CSMD1: variants seen among roughly 807,000 people sequenced by gnomAD.
The protein encoded by CSMD1 is CUB and sushi domain-containing protein 1.
Under a neutral mutation model 417.5 loss-of-function variants are expected in CSMD1, and 213 were observed. That is an observed-to-expected ratio of 0.51 (90% confidence interval 0.46 to 0.57). The LOEUF (loss-of-function observed/expected upper bound fraction) is 0.57. CSMD1 is among the 20% of genes least tolerant of loss of function. The pLI is 0.00. For synonymous variants in CSMD1, 2,862 were observed against 1,736.8 expected, an observed-to-expected ratio of 1.65 and a Z score of -16.11; for missense variants, 6,923 against 4,529.7, an observed-to-expected ratio of 1.53 and a Z score of -15.17.
intron 5 of CSMD1, among the ~76,000 whole-genome samples, chr8:3,790,106 T>C (rs958829615): frequency 2.0e-5 from 3 of 152,212 alleles, no homozygotes; most frequent in Non-Finnish European, 4.4e-5. Flanking sequence ...AATGAAAGTG[T>C]TAGCTGCTTA....
At chr8:3,497,904 T>A (rs1379534204) in intron 10 of CSMD1, among the ~76,000 whole-genome samples, 8 of 152,248 alleles carry the variant, frequency 5.3e-5, no homozygotes, top group Admixed American at 3.9e-4. Context: ...ATTACTCTTT[T>A]GTGTGTCTTC....
intron 5 of CSMD1, among the ~76,000 whole-genome samples, chr8:3,991,419 G>C (rs979432732): frequency 1.3e-5 from 2 of 152,090 alleles, no homozygotes; most frequent in Non-Finnish European, 2.9e-5. Flanking sequence ...ATCTTTATGC[G>C]ACAGCTTCAT....
At chr8:3,155,124 G>C (rs998367945) in intron 39 of CSMD1, among the ~76,000 whole-genome samples, 4 of 151,848 alleles carry the variant, frequency 2.6e-5, no homozygotes, top group African/African-American at 9.7e-5. Flanking sequence ...TTAATTCTTT[G>C]AATAAAACAT....
At chr8:4,150,763 A>G (rs1378238678) in intron 3 of CSMD1, among the ~76,000 whole-genome samples, 1 of 152,232 alleles carries the variant, frequency 6.6e-6, no homozygotes, top group African/African-American at 2.4e-5. Flanking sequence ...AACCTGCTTT[A>G]TCTAAAAAGA....
intron 46 of CSMD1, among the ~76,000 whole-genome samples, chr8:3,098,891 T>G (rs1329631514): frequency 6.6e-6 from 1 of 151,768 alleles, no homozygotes; most frequent in African/African-American, 2.4e-5. Flanking sequence ...ATACACAATT[T>G]TTTTTTTTTT....
chr8:4,359,556 G>A (rs145577595), intron 3 of CSMD1, among the ~76,000 whole-genome samples: 1 of 152,166 alleles, frequency 6.6e-6, no homozygotes, highest in Non-Finnish European at 1.5e-5. Flanking sequence ...TTGCGCAGAA[G>A]AGCCCTGTGT....
chr8:3,263,589 A>G (rs1393126746), intron 26 of CSMD1, among the ~76,000 whole-genome samples: 1 of 152,206 alleles, frequency 6.6e-6, no homozygotes, highest in African/African-American at 2.4e-5. Flanking sequence ...TTACAAATAA[A>G]TGTTTTAATA....
rs577634289 is a variant in CSMD1, at chr8:3,317,956, G to A, written c.3632-9453C>T. 2.0e-5 allele frequency among the ~76,000 whole-genome samples: 3 copies of A among 152,256 alleles called. No individual in the cohort carries two copies. The East Asian group carries it at 5.8e-4, about 30-fold the overall frequency. On this transcript the variant is annotated intron_variant, in intron 23 of 69. Transcript: ENST00000635120. ...CTATTGAGTAGCTGGGACCACAGAT[G>A]TGGGCCACCATGCCCAGCTAATATT...
intron 6 of CSMD1, among the ~76,000 whole-genome samples, chr8:3,742,492 A>G (rs1259737765): frequency 1.3e-5 from 2 of 152,314 alleles, no homozygotes; most frequent in East Asian, 3.9e-4. Flanking sequence ...ACATTTTTAA[A>G]AACATTTCTG....
intron 3 of CSMD1, among the ~76,000 whole-genome samples, chr8:4,181,290 G>GT (rs1271311451): frequency 6.6e-6 from 1 of 152,048 alleles, no homozygotes. Flanking sequence ...GATATTTATT[G>GT]TAAAACAATA....
chr8:4,495,935 A>G (rs1457289196), intron 2 of CSMD1, among the ~76,000 whole-genome samples: 2 of 152,162 alleles, frequency 1.3e-5, no homozygotes, highest in East Asian at 3.9e-4. Flanking sequence ...CTATATGGCA[A>G]ATGACAAGAA....
At chr8:4,418,247 T>A (rs929245522) in intron 3 of CSMD1, among the ~76,000 whole-genome samples, 16 of 152,072 alleles carry the variant, frequency 1.1e-4, no homozygotes, top group African/African-American at 3.9e-4. Flanking sequence ...AAAAAATAAA[T>A]CCAAGTTACT....
At chr8:4,330,343 C>G (rs992934173) in intron 3 of CSMD1, among the ~76,000 whole-genome samples, 1 of 151,368 alleles carries the variant, frequency 6.6e-6, no homozygotes, top group African/African-American at 2.4e-5. Context: ...ACCTGTAATC[C>G]CAGTGCTTTA....
At chr8:3,391,411 C>T (rs1214668120) in intron 17 of CSMD1, among the ~76,000 whole-genome samples, 3 of 152,106 alleles carry the variant, frequency 2.0e-5, no homozygotes, top group Non-Finnish European at 2.9e-5. Context: ...CATTTATTTT[C>T]CAATTTCTTA....
chr8:3,568,500 C>G (rs1799812104), intron 10 of CSMD1, among the ~76,000 whole-genome samples: 2 of 152,080 alleles, frequency 1.3e-5, no homozygotes, highest in South Asian at 2.1e-4. Flanking sequence ...TTTTAATGAG[C>G]TTTAATAGCA....
rs576967019 is a variant in CSMD1 at position 4,010,435 on chromosome 8, A to G, written c.611-12325T>C. 4.5e-4 allele frequency among the ~76,000 whole-genome samples: 68 copies of G among 152,248 alleles called. 1 individual carries two copies. The highest frequency in any genetic ancestry group is 1.6e-3 in the African/African-American group (65 of 41,526). On this transcript the variant is annotated intron_variant, in intron 4 of 69. Coordinates refer to ENST00000635120, the MANE Select transcript of CSMD1 (RefSeq NM_033225.6). The stretch of plus-strand genomic sequence containing the variant: ...AATTCTCGGTCATTTCAATGTCAAC[A>G]CAGGTAATCCTGGGAAAAACATAAC...
Position 2,938,571 on chromosome 8 carries a change from T to TG in CSMD1, c.*13dup. On this transcript the variant is annotated 3_prime_UTR_variant, in exon 70 of 70. Transcript: ENST00000635120. ...AGGTATGGCTATGAATCAGTCCTGT[T>TG]GGGGCACTGAGGGCTATACCACTGT... 1 of 1,607,858 alleles carries TG rather than the reference T, an allele frequency of 6.2e-7. No individual in the cohort carries two copies. Among genetic ancestry groups the TG allele is most frequent in the East Asian group, 2.2e-5 (1 of 44,746 alleles).
intron 1 of CSMD1, among the ~76,000 whole-genome samples, chr8:4,643,481 G>A (rs1032135926): frequency 2.0e-5 from 3 of 151,750 alleles, no homozygotes. Context: ...TACTCCTACT[G>A]GACGTAGCTA....
At chr8:4,253,432 T>C (rs528927299) in intron 3 of CSMD1, among the ~76,000 whole-genome samples, 6 of 152,138 alleles carry the variant, frequency 3.9e-5, no homozygotes, top group South Asian at 2.1e-4. Context: ...CACCAGAACA[T>C]AGCGGAACAC....
Sources: allele counts gnomAD v4.1 joint callset (sites outside exome capture counted in the v4.1 genomes callset), GRCh38; gene constraint gnomAD v4.1.1; transcripts MANE v1.5; gene names NCBI Gene and HGNC (gene_info 2026-07-23, HGNC 2026-07-21).